The following NKX2-5 variants were observed in gnomAD, a reference collection of about 807,000 sequenced individuals.
NKX2-5 encodes homeobox protein Nkx-2.5.
A neutral mutation model predicts 24.5 loss-of-function variants in NKX2-5; 3 were observed. The observed-to-expected ratio is 0.12, with a 90% confidence interval of 0.06 to 0.32. NKX2-5 has a LOEUF of 0.32. NKX2-5 is among the 10% of genes least tolerant of loss of function. The pLI is 1.00. For synonymous variants in NKX2-5, 215 were observed against 217.6 expected (o/e 0.99, Z 0.11); for missense variants, 429 against 452.4 (o/e 0.95, Z 0.47).
intron 1 of NKX2-5, 139 bp downstream of exon 1, chr5:173,234,611 C>T (rs948513473): frequency 1.0e-4 from 76 of 756,446 alleles, no homozygotes; most frequent in Non-Finnish European, 1.3e-4. Context: ...GGCGACAACA[C>T]CAGGCATCTT....
chr5:173,233,894 C>T, intron 1 of NKX2-5: 3 of 985,500 alleles, frequency 3.0e-6, no homozygotes, highest in Non-Finnish European at 3.6e-6. Flanking sequence ...CTGGCAGCGG[C>T]CCTTCGCCCA....
chr5:173,232,641 A>G lies in NKX2-5; in HGVS notation c.903T>C (p.Asn301=). 1 of 1,613,240 alleles carries G rather than the reference A, an allele frequency of 6.2e-7. No homozygotes were observed. Among genetic ancestry groups the G allele is most frequent in the East Asian group, 2.2e-5 (1 of 44,854 alleles). Residue 301 remains asparagine, a synonymous_variant, in exon 2 of 2, where the codon AAT becomes AAC. Coordinates refer to ENST00000329198, the MANE Select transcript of NKX2-5 (RefSeq NM_004387.4). This position sits in a 1 kb window ranked among gnomAD's most constrained non-coding sequence, Gnocchi z 5.9. Reference sequence around the variant, plus strand: ...GCGGAATCCCGGGGCTCTGAACCGCATTCAAGTCCCCGACGCCGAAGTTCA... The same window carrying G: ...GCGGAATCCCGGGGCTCTGAACCGCGTTCAAGTCCCCGACGCCGAAGTTCA... ...NFVNFGVGDL[N]AVQSPGIPQS... is the part of the protein sequence containing the mutation.
rs1488724798 is a variant in NKX2-5, at chr5:173,233,186, C to A, written c.358G>T (p.Val120Leu). The A allele has an allele frequency of 1.9e-6, 3 of 1,601,662 alleles. No individual in the cohort carries two copies. Among genetic ancestry groups the A allele is most frequent in the Non-Finnish European group, 2.5e-6 (3 of 1,179,000 alleles). ...TCCGCCTCTGTCTTCTCCAGCTCCA[C>A]CGCCTTCTGCAGCGCGCACAGCTCT... ...KKELCALQKA[V>L]ELEKTEADNA... The change falls in exon 2 of 2, where the codon GTG becomes TTG. Residue 120 changes from valine (V) to leucine (L), a missense_variant. Val to Leu is a conservative substitution (Grantham distance 32, BLOSUM62 1). Coordinates refer to ENST00000329198, the MANE Select transcript of NKX2-5 (RefSeq NM_004387.4).
chr5:173,234,573 TC>T (rs1761418430), intron 1 of NKX2-5, among the ~76,000 whole-genome samples, 176 bp downstream of exon 1: 1 of 152,134 alleles, frequency 6.6e-6, no homozygotes, highest in Non-Finnish European at 1.5e-5. Flanking sequence ...CCTCTGAACC[TC>T]CGATTGGACG....
At position 173,232,499 on chromosome 5, in the gene NKX2-5, C is replaced by G. The variant is rs1761336734; in HGVS notation, c.*70G>C. ...GGACTCAGGGTCATGTTGGGAGCCC[C>G]TTCTCCCCCCGAGAGTCAGGGAGCT... On this transcript the variant is annotated 3_prime_UTR_variant, in exon 2 of 2. Coordinates refer to ENST00000329198, the MANE Select transcript of NKX2-5 (RefSeq NM_004387.4). This position sits in a 1 kb window ranked among gnomAD's most constrained non-coding sequence, Gnocchi z 5.9. The G allele has an allele frequency of 4.4e-6, 7 of 1,583,884 alleles. No homozygotes were observed. The highest frequency in any genetic ancestry group is 6.0e-6 in the Non-Finnish European group (7 of 1,172,586).
In NKX2-5 at chr5:173,232,322, C is replaced by T. The variant is rs1761331844; in HGVS notation, c.*247G>A. On this transcript the variant is annotated 3_prime_UTR_variant, in exon 2 of 2. Coordinates refer to ENST00000329198, the MANE Select transcript of NKX2-5 (RefSeq NM_004387.4). The surrounding 1 kb of genome is among the most constrained non-coding windows in gnomAD (Gnocchi z 5.9). ...GGGGTGCCCATGGACTCTCGGAGGG[C>T]ACTCCTGGGGGGACAGCTAAGACAC... is the stretch of plus-strand genomic sequence containing the variant. 8 of 668,668 alleles carry T rather than the reference C, an allele frequency of 1.2e-5. No individual in the cohort carries two copies. Among genetic ancestry groups the T allele is most frequent in the Middle Eastern group, 4.4e-4 (1 of 2,288 alleles). 41.4% of individuals were successfully genotyped at this position (668,668 alleles called of 1,614,324 possible).
At position 173,233,082 on chromosome 5, in the gene NKX2-5, C is replaced by T. The variant is rs909098202; in HGVS notation, c.462G>A (p.Glu154=). Residue 154 remains glutamate, a synonymous_variant, in exon 2 of 2, where the codon GAG becomes GAA. Coordinates refer to ENST00000329198, the MANE Select transcript of NKX2-5 (RefSeq NM_004387.4). ...GGTACCGCTGCTGCTTGAAGCGCCG[C>T]TCCAGCTCATAGACCTGCGCCTGCG... is the stretch of plus-strand genomic sequence containing the variant. ...LFSQAQVYEL[E]RRFKQQRYLS... The T allele has an allele frequency of 4.4e-6, 7 of 1,601,448 alleles. No homozygotes were observed. The Admixed American group carries it at 6.9e-5, about 16-fold the overall frequency.
chr5:173,234,744 C>G lies in NKX2-5; in HGVS notation c.334+6G>C, dbSNP rs1164296846. On this transcript the variant is annotated splice_donor_region_variant and intron_variant, in intron 1 of 1. Transcript: ENST00000329198. Reference sequence around the variant, plus strand: ...GGGGAGAAGGGGGCCTGTGTTTCCTCCTCACCTTTCTTTTCGGCTCTAGGG... The same window carrying G: ...GGGGAGAAGGGGGCCTGTGTTTCCTGCTCACCTTTCTTTTCGGCTCTAGGG... The G allele has an allele frequency of 2.0e-6, 3 of 1,515,102 alleles. No individual in the cohort carries two copies. The African/African-American group carries it at 4.3e-5, about 22-fold the overall frequency. The allele number at this position is 1,515,102 out of a possible 1,614,324, so 93.9% of individuals were successfully genotyped here.
rs771371710 is a variant in NKX2-5, at chr5:173,232,549, G to A, written c.*20C>T. ...TGTTGAGGTGGGATCGGTCAGGGTC[G>A]CGCCACGCGGGTCCCTTCCCTACCA... On this transcript the variant is annotated 3_prime_UTR_variant, in exon 2 of 2. Transcript: ENST00000329198. This position sits in a 1 kb window ranked among gnomAD's most constrained non-coding sequence, Gnocchi z 5.9. 2 of 1,602,636 alleles carry A rather than the reference G, an allele frequency of 1.2e-6. No individual in the cohort carries two copies. Among genetic ancestry groups the A allele is most frequent in the African/African-American group, 2.7e-5 (2 of 75,050 alleles).
At position 173,232,653 on chromosome 5, in the gene NKX2-5, G is replaced by A. The variant is rs750356140; in HGVS notation, c.891C>T (p.Val297=). The change falls in exon 2 of 2, where the codon GTC becomes GTT. Residue 297 remains valine (V), a synonymous_variant. Transcript: ENST00000329198. The surrounding 1 kb of genome is among the most constrained non-coding windows in gnomAD (Gnocchi z 5.9). ...AANNNFVNFG[V]GDLNAVQSPG... is the part of the protein sequence containing the mutation. ...GGCTCTGAACCGCATTCAAGTCCCC[G>A]ACGCCGAAGTTCACGAAGTTGTTGT... is the stretch of plus-strand genomic sequence containing the variant. 3 of 1,612,926 alleles carry A rather than the reference G, an allele frequency of 1.9e-6. No homozygotes were observed. The highest frequency in any genetic ancestry group is 2.7e-5 in the African/African-American group (2 of 74,946).
rs1228160143 is a variant in NKX2-5 at position 173,232,203 on chromosome 5, A to C, written c.*366T>G. ...GTGGGTGCGTGGGCGGGCGACGGCG[A>C]GATAGCAAAGGCCCGGGCGCCCGGC... is the stretch of plus-strand genomic sequence containing the variant. On this transcript the variant is annotated 3_prime_UTR_variant, in exon 2 of 2. Transcript: ENST00000329198. The surrounding 1 kb of genome is among the most constrained non-coding windows in gnomAD (Gnocchi z 5.9). The C allele has an allele frequency of 1.1e-5, 3 of 282,300 alleles. No homozygotes were observed. Among genetic ancestry groups the C allele is most frequent in the African/African-American group, 2.2e-5 (1 of 44,874 alleles). The allele number at this position is 282,300 out of a possible 1,614,324, so 17.5% of individuals were successfully genotyped here. A position where few individuals can be genotyped will look rare whatever the true frequency, so the allele number is the denominator to read the frequency against.
At chr5:173,233,884 C>G in intron 1 of NKX2-5, 5 of 985,486 alleles carry the variant, frequency 5.1e-6, no homozygotes, top group Non-Finnish European at 6.0e-6. Context: ...TCTCTCCCGG[C>G]TGGCAGCGGC....
At chr5:173,233,552 C>T (rs1190460993) in intron 1 of NKX2-5, 2 of 891,166 alleles carry the variant, frequency 2.2e-6, no homozygotes, top group African/African-American at 1.7e-5. Context: ...AAAATAAAAC[C>T]AGGTGATGCT....
intron 1 of NKX2-5, chr5:173,233,504 G>C: frequency 1.7e-6 from 1 of 583,556 alleles, no homozygotes; most frequent in Non-Finnish European, 2.6e-6. Flanking sequence ...ATTTCAGGCT[G>C]CAAAAAAAAA....
At chr5:173,233,427 C>T (rs1761375208) in intron 1 of NKX2-5, 8 of 1,512,666 alleles carry the variant, frequency 5.3e-6, no homozygotes, top group Non-Finnish European at 7.0e-6. Flanking sequence ...CGCTGGAGAA[C>T]AAAACGGGAG....
Position 173,233,514 on chromosome 5 carries a change from AAAAAATAAATAAAAAAAT to A in NKX2-5, c.335-323_335-306del, listed in dbSNP as rs757855884. 938 of 863,146 alleles carry A rather than the reference AAAAAATAAATAAAAAAAT, an allele frequency of 1.1e-3. 3 individuals are homozygous for A. Among genetic ancestry groups the A allele is most frequent in the Non-Finnish European group, 1.5e-3 (858 of 565,310 alleles). 53.5% of individuals were successfully genotyped at this position (863,146 alleles called of 1,614,324 possible). On this transcript the variant is annotated intron_variant, in intron 1 of 1. Transcript: ENST00000329198. The stretch of plus-strand genomic sequence containing the variant: ...TTAAAATTTCAGGCTGCAAAAAAAA[AAAAAATAAATAAAAAAAT>A]AAAAAAATAAAAATAAAACCAGGTG...
In NKX2-5 at chr5:173,234,889, G is replaced by A; in HGVS notation, c.195C>T (p.Gly65=). ...CCAGCTCTGCGCGCAGCTCTGGGAG[G>A]CCCGGCGCAGCCGCCTCGGGCCCAG... The part of the protein sequence containing the change: ...AYAGPEAAAP[G]LPELRAELGR... Residue 65 remains glycine, a synonymous_variant, in exon 1 of 2, where the codon GGC becomes GGT. Transcript: ENST00000329198. 2 of 1,606,222 alleles carry A rather than the reference G, an allele frequency of 1.2e-6. No homozygotes were observed. Among genetic ancestry groups the A allele is most frequent in the Admixed American group, 1.7e-5 (1 of 59,176 alleles).
chr5:173,234,614 G>A (rs1479714761), intron 1 of NKX2-5, 136 bp downstream of exon 1: 8 of 762,630 alleles, frequency 1.0e-5, no homozygotes, highest in Non-Finnish European at 1.6e-5. Context: ...GACAACACCA[G>A]GCATCTTACA....
Position 173,234,794 on chromosome 5 carries a change from T to C in NKX2-5, c.290A>G (p.Tyr97Cys). 6.3e-7 allele frequency: 1 copy of C among 1,578,720 alleles called. No homozygotes were observed. Among genetic ancestry groups the C allele is most frequent in the Non-Finnish European group, 8.6e-7 (1 of 1,165,176 alleles). The change falls in exon 1 of 2, where the codon TAC becomes TGC. Residue 97 changes from tyrosine (Y) to cysteine (C), a missense_variant. By Grantham distance (194) the Tyr-to-Cys change is radical. Coordinates refer to ENST00000329198, the MANE Select transcript of NKX2-5 (RefSeq NM_004387.4). ...PAAPAFYPRAYSDPDPAKDPR... is the reference protein window; with the variant it reads ...PAAPAFYPRACSDPDPAKDPR... ...GTCCTTGGCTGGGTCGGGGTCGCTG[T>C]AGGCACGTGGATAGAAGGCGGGGGC... is the stretch of plus-strand genomic sequence containing the variant.
Sources: gnomAD v4.1 joint callset for allele counts (sites outside exome capture counted in the v4.1 genomes callset) on GRCh38, gnomAD v4.1.1 for gene constraint, Gnocchi (gnomAD v3.1) non-coding constraint, MANE v1.5 for transcripts, NCBI Gene and HGNC (gene_info 2026-07-23, HGNC 2026-07-21) for gene names.